Variants in MMP26 observed in about 807,000 individuals in gnomAD.
MMP26 encodes matrix metallopeptidase 26.
A neutral mutation model predicts 31.0 loss-of-function variants in MMP26; 33 were observed. The observed-to-expected ratio is 1.06, with a 90% CI of 0.81 to 1.42. The LOEUF (loss-of-function observed/expected upper bound fraction) is 1.42, where lower values mean the gene tolerates loss of function less well. MMP26 is among the 40% of genes most tolerant of loss of function. MMP26 has a pLI of 0.00. For synonymous variants in MMP26, 122 were observed against 114.9 expected (o/e 1.06, Z -0.40); for missense variants, 347 against 316.1 (o/e 1.10, Z -0.74).
At chr11:4,855,356 C>A (rs111304983) in intron 2 of MMP26, among the ~76,000 whole-genome samples, 4,660 of 152,178 alleles carry the variant, frequency 0.031, 234 homozygotes, top group African/African-American at 0.11. Flanking sequence ...CTAGGATAAA[C>A]AGCATAGAGA....
intron 2 of MMP26, among the ~76,000 whole-genome samples, chr11:4,823,758 C>T (rs184742689): frequency 6.6e-6 from 1 of 152,250 alleles, no homozygotes; most frequent in Non-Finnish European, 1.5e-5. Context: ...AGCATAACAA[C>T]GTAAGAGTTT....
chr11:4,721,075 A>G (rs527350445), intron 1 of MMP26, among the ~76,000 whole-genome samples: 8 of 152,278 alleles, frequency 5.3e-5, no homozygotes, highest in African/African-American at 1.7e-4. Flanking sequence ...GCCTCCCCCA[A>G]TTAATGGACC....
rs138321443 is a variant in MMP26 at position 4,960,767 on chromosome 11, G to A, written c.-144-27301G>A. Among the ~76,000 whole-genome samples, 3 of 151,840 alleles carry A rather than the reference G, an allele frequency of 2.0e-5. No homozygotes were observed. In the East Asian group the frequency reaches 5.8e-4, roughly 29 times the overall value. On this transcript the variant is annotated intron_variant, in intron 2 of 7. Transcript: ENST00000380390. ...TATATTTATTTACATTTAAAAAGGGGATTTATTTGAGAAATATAAAAAGCA... is the reference window on the plus strand; with the variant it reads ...TATATTTATTTACATTTAAAAAGGGAATTTATTTGAGAAATATAAAAAGCA...
chr11:4,828,166 A>G (rs1407255687), intron 2 of MMP26, among the ~76,000 whole-genome samples: 1 of 152,178 alleles, frequency 6.6e-6, no homozygotes, highest in African/African-American at 2.4e-5. Context: ...TCTGTGTATA[A>G]GAATAGGAAT....
At chr11:4,848,913 G>A in intron 2 of MMP26, 2 of 1,614,084 alleles carry the variant, frequency 1.2e-6, no homozygotes, top group Non-Finnish European at 1.7e-6. Context: ...GGCAGGGACA[G>A]TGTGAGCACC....
intron 2 of MMP26, chr11:4,860,756 T>C (rs1300415045): frequency 3.8e-6 from 1 of 260,494 alleles, no homozygotes; most frequent in African/African-American, 2.3e-5. Context: ...CACAGTCACA[T>C]GTGATTACCT....
At chr11:4,711,800 T>C (rs1045791048) in intron 1 of MMP26, 1 of 152,218 alleles carries the variant, frequency 6.6e-6, no homozygotes, top group African/African-American at 2.4e-5. Flanking sequence ...CGGATTATCA[T>C]GTATGAAAGA....
At chr11:4,899,849 A>T (rs996442452) in intron 2 of MMP26, among the ~76,000 whole-genome samples, 1 of 152,228 alleles carries the variant, frequency 6.6e-6, no homozygotes. Flanking sequence ...CCCACTCTGA[A>T]AATGAGGACC....
At chr11:4,958,616 A>G (rs1389832819) in intron 2 of MMP26, among the ~76,000 whole-genome samples, 2 of 152,002 alleles carry the variant, frequency 1.3e-5, no homozygotes, top group Non-Finnish European at 1.5e-5. Context: ...ATCTATCTGT[A>G]TCTATCTGGT....
intron 2 of MMP26, among the ~76,000 whole-genome samples, chr11:4,878,886 C>T (rs1190903420): frequency 1.3e-5 from 2 of 151,988 alleles, no homozygotes; most frequent in South Asian, 2.1e-4. Context: ...GGATAAGCAC[C>T]TTTGCTCAGT....
chr11:4,822,525 A>G (rs1849524885), intron 2 of MMP26: 2 of 696,712 alleles, frequency 2.9e-6, no homozygotes, highest in Admixed American at 8.3e-5. Context: ...TTTCTTTGTC[A>G]ATAAATTCAT....
chr11:4,808,354 G>T (rs997263264), intron 2 of MMP26, among the ~76,000 whole-genome samples: 1 of 152,074 alleles, frequency 6.6e-6, no homozygotes, highest in African/African-American at 2.4e-5. Flanking sequence ...CATGAAGGGG[G>T]TGTGCACAAC....
At chr11:4,750,685 T>A (rs1038503877) in intron 1 of MMP26, among the ~76,000 whole-genome samples, 2 of 152,060 alleles carry the variant, frequency 1.3e-5, no homozygotes, top group African/African-American at 4.8e-5. Flanking sequence ...AGTAAAATAC[T>A]GCATGTTCTC....
chr11:4,811,076 G>A (rs1849343550), intron 2 of MMP26, among the ~76,000 whole-genome samples: 1 of 152,094 alleles, frequency 6.6e-6, no homozygotes, highest in South Asian at 2.1e-4. Context: ...AAAATCAGAA[G>A]TACCATTTTC....
chr11:4,818,853 TTAATAAAATACAGTATTAGAC>T (rs1227631164), intron 2 of MMP26, among the ~76,000 whole-genome samples: 1 of 152,168 alleles, frequency 6.6e-6, no homozygotes. Context: ...TGTGACTATA[TTAATAAAATACAGTATTAGAC>T]TAATTCAATA....
At position 4,903,557 on chromosome 11, in the gene MMP26, T is replaced by G. The variant is rs140603867; in HGVS notation, c.-144-84511T>G. On this transcript the variant is annotated intron_variant, in intron 2 of 7. Coordinates refer to ENST00000380390, the MANE Select transcript of MMP26 (RefSeq NM_021801.5). ...TCAAGCTTCTTCAACTTCAAATGTTTACCTTTCAGATGAGTAGTCTCCCTG... is the reference window on the plus strand; with the variant it reads ...TCAAGCTTCTTCAACTTCAAATGTTGACCTTTCAGATGAGTAGTCTCCCTG... 7.2e-3 allele frequency among the ~76,000 whole-genome samples: 1,094 copies of G among 152,238 alleles called. 15 individuals carry two copies. Among genetic ancestry groups the G allele is most frequent in the African/African-American group, 0.024 (983 of 41,580 alleles).
intron 2 of MMP26, among the ~76,000 whole-genome samples, chr11:4,841,198 G>A (rs1849789690): frequency 1.3e-5 from 2 of 152,136 alleles, no homozygotes; most frequent in Admixed American, 6.5e-5. Context: ...GCAATTCTAA[G>A]AGTTATTGGT....
At chr11:4,720,926 C>A (rs1305731911) in intron 1 of MMP26, among the ~76,000 whole-genome samples, 1 of 152,152 alleles carries the variant, frequency 6.6e-6, no homozygotes, top group South Asian at 2.1e-4. Flanking sequence ...GAGATTATTG[C>A]TGGAAGTGTG....
intron 2 of MMP26, among the ~76,000 whole-genome samples, chr11:4,903,343 C>T (rs1850831123): frequency 6.6e-6 from 1 of 152,066 alleles, no homozygotes; most frequent in East Asian, 1.9e-4. Flanking sequence ...GACTGGTAAA[C>T]CATTTTATAG....
Sources: allele counts gnomAD v4.1 joint callset (sites outside exome capture counted in the v4.1 genomes callset), GRCh38; gene constraint gnomAD v4.1.1; transcripts MANE v1.5; gene names NCBI Gene and HGNC (gene_info 2026-07-23, HGNC 2026-07-21).